TTN: variants seen among roughly 807,000 people sequenced by gnomAD.
TTN encodes connectin.
A neutral mutation model predicts 3,223.0 loss-of-function variants in TTN; 1,525 were observed. That is an observed-to-expected ratio of 0.47 (90% confidence interval 0.45 to 0.49). TTN has a LOEUF of 0.49. TTN is among the 20% of genes least tolerant of loss of function. The pLI, the probability that TTN is intolerant of heterozygous loss-of-function variation, is 0.00. For missense variants in TTN, 40,786 were observed against 43,424.0 expected, an observed-to-expected ratio of 0.94 and a Z score of 5.40; for synonymous variants, 14,094 against 15,161.0, an observed-to-expected ratio of 0.93 and a Z score of 5.17.
intron 294 of TTN, 112 bp from the exon 295 acceptor site, chr2:178,595,921 T>G: frequency 9.4e-7 from 1 of 1,062,280 alleles, no homozygotes; most frequent in Non-Finnish European, 1.4e-6. Context: ...AGTAAGGTTT[T>G]GTGTCTACTA....
In TTN at chr2:178,731,427, A is replaced by G. The variant is rs201482215; in HGVS notation, c.17339T>C (p.Phe5780Ser). Residue 5780 changes from phenylalanine (F) to serine (S), a missense_variant, in exon 59 of 363, where the codon TTT (phenylalanine) becomes TCT (serine). Coordinates refer to ENST00000589042, the MANE Select transcript of TTN (RefSeq NM_001267550.2). Reference sequence around the variant, plus strand: ...GTACAAACTGGCCACATTGTTCTCAAAGGTCATTCTTATATTATCGTCTTC... The same window carrying G: ...GTACAAACTGGCCACATTGTTCTCAGAGGTCATTCTTATATTATCGTCTTC... ...ITEDDNIRMT[F>S]ENNVASLYLS... 5.8e-5 allele frequency: 94 copies of G among 1,613,676 alleles called. 1 individual carries two copies. Among genetic ancestry groups the G allele is most frequent in the Non-Finnish European group, 1.1e-5 (13 of 1,179,786 alleles).
At chr2:178,610,479 T>C (rs1369651036) in intron 270 of TTN, 90 bp from the exon 271 acceptor site, 1 of 1,396,186 alleles carries the variant, frequency 7.2e-7, no homozygotes, top group African/African-American at 1.5e-5. Flanking sequence ...ATCTGTATTT[T>C]GGGTAGGATA....
chr2:178,609,871 T>C lies in TTN; in HGVS notation c.51552A>G (p.Ile17184Met), dbSNP rs767319592. Residue 17184 changes from isoleucine (I) to methionine (M), a missense_variant, in exon 272 of 363, where the codon ATA (isoleucine) becomes ATG (methionine). Transcript: ENST00000589042. ...DGGSKIMGYIIEKIAKGEERW... is the reference protein window; with the variant it reads ...DGGSKIMGYIMEKIAKGEERW... ...TTTCTTCACCCTTAGCAATCTTCTC[T>C]ATGATGTAGCCCATTATCTTGCTCC... is the stretch of plus-strand genomic sequence containing the variant. 13 of 1,612,974 alleles carry C rather than the reference T, an allele frequency of 8.1e-6. No homozygotes were observed. In the South Asian group the frequency reaches 1.2e-4, roughly 15 times the overall value.
chr2:178,698,376 C>T (rs551248622), intron 112 of TTN, among the ~76,000 whole-genome samples: 1 of 152,214 alleles, frequency 6.6e-6, no homozygotes, highest in Middle Eastern at 3.4e-3. Flanking sequence ...GAGTAAATTT[C>T]AAATATTCTC....
intron 213 of TTN, among the ~76,000 whole-genome samples, chr2:178,648,565 A>G (rs958731524): frequency 6.6e-6 from 1 of 151,264 alleles, no homozygotes. Context: ...ACATATCACC[A>G]CCCCCAGCTA....
At chr2:178,800,999 C>T (rs1350861657) in intron 3 of TTN, among the ~76,000 whole-genome samples, 1 of 152,184 alleles carries the variant, frequency 6.6e-6, no homozygotes, top group Non-Finnish European at 1.5e-5. Flanking sequence ...CTTTCTGGTA[C>T]TTCCCCCTCT....
intron 121 of TTN, among the ~76,000 whole-genome samples, chr2:178,691,012 G>A (rs989855997): frequency 1.3e-5 from 2 of 152,088 alleles, no homozygotes; most frequent in Non-Finnish European, 2.9e-5. Context: ...TATCTAAGAC[G>A]ATCTGTCTCA....
intron 315 of TTN, 28 bp downstream of exon 315, chr2:178,581,878 G>T: frequency 6.2e-7 from 1 of 1,610,178 alleles, no homozygotes; most frequent in Middle Eastern, 1.7e-4. Flanking sequence ...TTTAACACAG[G>T]ATATGGAACT....
At chr2:178,619,366 G>T in intron 250 of TTN, 1 of 531,154 alleles carries the variant, frequency 1.9e-6, no homozygotes, top group Non-Finnish European at 3.3e-6. Flanking sequence ...TGATAGCTTA[G>T]TTGTAGCCTA....
chr2:178,574,073 C>A lies in TTN; in HGVS notation c.72059G>T (p.Cys24020Phe). The change falls in exon 326 of 363, where the codon TGC (cysteine) becomes TTC (phenylalanine). Residue 24020 changes from cysteine to phenylalanine, a missense_variant. By Grantham distance (205) the Cys-to-Phe change is radical (BLOSUM62 -2). Coordinates refer to ENST00000589042, the MANE Select transcript of TTN (RefSeq NM_001267550.2). ...PPSEPSDAIT[C>F]RDDVEAPKIK... ...CTTTGGTGCCTCAACATCATCCCTGCAAGTGATAGCATCAGATGGCTCAGA... is the reference window on the plus strand; with the variant it reads ...CTTTGGTGCCTCAACATCATCCCTGAAAGTGATAGCATCAGATGGCTCAGA... The A allele has an allele frequency of 3.7e-6, 6 of 1,613,360 alleles. No homozygotes were observed. The highest frequency in any genetic ancestry group is 5.1e-6 in the Non-Finnish European group (6 of 1,179,508).
chr2:178,795,280 A>G (rs751831087), intron 6 of TTN, 28 bp from the exon 7 acceptor site: 1 of 1,608,534 alleles, frequency 6.2e-7, no homozygotes, highest in Non-Finnish European at 8.5e-7. Flanking sequence ...GAGGTCAAGA[A>G]TGTCAAAGCA....
At chr2:178,792,784 C>T (rs74751926) in intron 9 of TTN, among the ~76,000 whole-genome samples, 1,661 of 152,326 alleles carry the variant, frequency 0.011, 32 homozygotes, top group African/African-American at 0.038. Flanking sequence ...AACACAGGAT[C>T]TCAAGGCTGA....
In TTN at chr2:178,730,152, A is replaced by G; in HGVS notation, c.18248T>C (p.Ile6083Thr). ...GCCAACATCATTGCTTAGTTGGCAA[A>G]TGTAGGTTCCAGAATCGGTAGCTTT... ...AAKATDSGTY[I>T]CQLSNDVGTA... The change falls in exon 62 of 363, where the codon ATT becomes ACT. Residue 6083 changes from isoleucine to threonine, a missense_variant. By Grantham distance (89) the Ile-to-Thr change is moderately conservative. Transcript: ENST00000589042. The G allele has an allele frequency of 6.2e-7, 1 of 1,613,448 alleles. No individual in the cohort carries two copies. The highest frequency in any genetic ancestry group is 8.5e-7 in the Non-Finnish European group (1 of 1,179,652).
In TTN at chr2:178,565,957, T is replaced by A. The variant is rs2154165231; in HGVS notation, c.80175A>T (p.Ser26725=). 3.1e-6 allele frequency: 5 copies of A among 1,613,624 alleles called. No homozygotes were observed. In the South Asian group the frequency reaches 4.4e-5, roughly 14 times the overall value. Residue 26725 remains serine (S), a synonymous_variant, in exon 326 of 363, where the codon TCA becomes TCT. Transcript: ENST00000589042. ...TCACATTAGCATACGCTTTTCTGGT[T>A]GACTCACGTTTGTCAATCACATAGT... ...VKNYVIDKRE[S]TRKAYANVSS...
At position 178,582,012 on chromosome 2, in the gene TTN, A is replaced by G. The variant is rs1471586274; in HGVS notation, c.66357T>C (p.Gly22119=). Reference sequence around the variant, plus strand: ...ACTCATATTCGGTACCTTCTTGAAGACCTGTTGCTTTTAATGTTCTTTCTA... The same window carrying G: ...ACTCATATTCGGTACCTTCTTGAAGGCCTGTTGCTTTTAATGTTCTTTCTA... ...PIIERTLKAT[G]LQEGTEYEFR... is the part of the protein sequence containing the mutation. Residue 22119 remains glycine (G), a synonymous_variant, in exon 315 of 363, where the codon GGT becomes GGC. Transcript: ENST00000589042. 2 of 1,613,260 alleles carry G rather than the reference A, an allele frequency of 1.2e-6. No individual in the cohort carries two copies. Among genetic ancestry groups the G allele is most frequent in the Non-Finnish European group, 1.7e-6 (2 of 1,179,484 alleles).
Position 178,774,613 on chromosome 2 carries a change from G to A in TTN, c.6791-140C>T, listed in dbSNP as rs2091983202. ...CTTAATATCTACCCGCTGATGGGCT[G>A]AGAGATAAATTTTCAATAAGAAGCA... On this transcript the variant is annotated intron_variant, in intron 29 of 362. Coordinates refer to ENST00000589042, the MANE Select transcript of TTN (RefSeq NM_001267550.2). 4 of 779,066 alleles carry A rather than the reference G, an allele frequency of 5.1e-6. No individual in the cohort carries two copies. In the South Asian group the frequency reaches 6.0e-5, roughly 12 times the overall value. 48.3% of individuals were successfully genotyped at this position (779,066 alleles called of 1,614,324 possible).
Position 178,542,910 on chromosome 2 carries a change from GTCT to G in TTN, c.96941_96943del (p.Lys32314del). On this transcript the variant is annotated inframe_deletion, in exon 348 of 363. Transcript: ENST00000589042. The stretch of plus-strand genomic sequence containing the variant: ...TGGTCTGCCAGCTGGGACATGGATG[GTCT>G]TCTGAGGCATTGTAGAAAGATCGAT... The G allele has an allele frequency of 6.2e-7, 1 of 1,612,002 alleles. No homozygotes were observed. The highest frequency in any genetic ancestry group is 8.5e-7 in the Non-Finnish European group (1 of 1,178,320).
rs1467946546 is a variant in TTN at position 178,570,678 on chromosome 2, G to C, written c.75454C>G (p.Leu25152Val). Reference protein sequence around the residue: ...TIQWIKGDQELSNTARLEIKS... With the variant: ...TIQWIKGDQEVSNTARLEIKS... ...ATTTCTAATCGAGCTGTGTTTGAAA[G>C]CTCCTGATCACCTTTTATCCACTGA... The change falls in exon 326 of 363, where the codon CTT becomes GTT. Residue 25152 changes from leucine (L) to valine (V), a missense_variant. Transcript: ENST00000589042. The C allele has an allele frequency of 1.9e-6, 3 of 1,613,352 alleles. No individual in the cohort carries two copies. The African/African-American group carries it at 4.0e-5, about 22-fold the overall frequency.
Position 178,564,251 on chromosome 2 carries a change from A to G in TTN, c.81881T>C (p.Val27294Ala). 6.2e-7 allele frequency: 1 copy of G among 1,613,316 alleles called. No individual in the cohort carries two copies. Among genetic ancestry groups the G allele is most frequent in the Non-Finnish European group, 8.5e-7 (1 of 1,179,780 alleles). Residue 27294 changes from valine to alanine, a missense_variant, in exon 326 of 363, where the codon GTT (valine) becomes GCT (alanine). Transcript: ENST00000589042. ...VIVVHAGETFVLEADIRGKPI... is the reference protein window; with the variant it reads ...VIVVHAGETFALEADIRGKPI... ...TTTGCCACGGATGTCGGCTTCAAGA[A>G]CAAAAGTCTCTCCTGCATGAACAAC...
Sources: allele counts gnomAD v4.1 joint callset (sites outside exome capture counted in the v4.1 genomes callset), GRCh38; gene constraint gnomAD v4.1.1; transcripts MANE v1.5; gene names NCBI Gene and HGNC (gene_info 2026-07-23, HGNC 2026-07-21).